The following NCOR2 variants were observed in gnomAD, a reference collection of about 807,000 sequenced individuals.
The protein encoded by NCOR2 is nuclear receptor corepressor 2, also known as CTG repeat protein 26.
Under a neutral mutation model 262.9 loss-of-function variants are expected in NCOR2, and 81 were observed. The ratio of observed to expected loss-of-function variants is 0.31; its 90% CI spans 0.26 to 0.37. The LOEUF (loss-of-function observed/expected upper bound fraction) is 0.37, where lower values mean the gene tolerates loss of function less well. NCOR2 is among the 10% of genes least tolerant of loss of function. NCOR2 has a pLI of 1.00. For missense variants in NCOR2, 3,385 were observed against 3,621.4 expected (o/e 0.93, Z 1.68); for synonymous variants, 1,659 against 1,559.3 (o/e 1.06, Z -1.51).
In NCOR2 at chr12:124,333,110, G is replaced by A. The variant is rs770563017; in HGVS notation, c.6755+20C>T. 1.9e-5 allele frequency: 30 copies of A among 1,584,942 alleles called. No individual in the cohort carries two copies. In the South Asian group the frequency reaches 2.1e-4, roughly 11 times the overall value. On this transcript the variant is annotated intron_variant, in intron 42 of 46. Transcript: ENST00000405201. ...GATACCAGAGCATCCCGGGGGCAGC[G>A]CATGTGCCCACAGAAGTACCTGGGC...
intron 3 of NCOR2, among the ~76,000 whole-genome samples, chr12:124,476,995 TA>T (rs968362351): frequency 1.4e-5 from 2 of 148,076 alleles, no homozygotes; most frequent in East Asian, 4.0e-4. Flanking sequence ...TGGACAGACA[TA>T]AAAGGCTGCA....
chr12:124,446,451 T>A (rs558485157), intron 7 of NCOR2, among the ~76,000 whole-genome samples: 5 of 152,284 alleles, frequency 3.3e-5, no homozygotes, highest in African/African-American at 1.2e-4. Flanking sequence ...TGACCTGGCC[T>A]GTGCCCTCCT....
At chr12:124,486,482 C>T in exon 2 of NCOR2, 1 of 1,611,906 alleles carries the variant, frequency 6.2e-7, no homozygotes, top group Non-Finnish European at 8.5e-7. Flanking sequence ...GGGAGGGCCT[C>T]CGCCGCTGGG....
chr12:124,476,619 C>A (rs2047111892), intron 3 of NCOR2, among the ~76,000 whole-genome samples: 1 of 152,212 alleles, frequency 6.6e-6, no homozygotes, highest in Non-Finnish European at 1.5e-5. Context: ...CAGCGGCTGG[C>A]AACCACTAGC....
chr12:124,394,212 T>A (rs569639024), intron 16 of NCOR2, among the ~76,000 whole-genome samples: 2 of 152,356 alleles, frequency 1.3e-5, no homozygotes, highest in East Asian at 3.9e-4. Flanking sequence ...ACTGTTCCTA[T>A]GTGGCTCGCT....
intron 1 of NCOR2, chr12:124,518,444 C>T (rs568087952): frequency 1.8e-4 from 27 of 152,464 alleles, no homozygotes; most frequent in Admixed American, 1.5e-3. Context: ...GCTCCCAGCC[C>T]GATGCCCCCC....
intron 1 of NCOR2, among the ~76,000 whole-genome samples, chr12:124,516,106 C>T (rs2049752921): frequency 6.6e-6 from 1 of 152,228 alleles, no homozygotes. Flanking sequence ...GGAGAGGCCC[C>T]ATGACAATGA....
intron 7 of NCOR2, among the ~76,000 whole-genome samples, chr12:124,441,028 A>G (rs2044771971): frequency 6.6e-6 from 1 of 152,180 alleles, no homozygotes; most frequent in Admixed American, 6.5e-5. Flanking sequence ...CCAGTCCTGC[A>G]GGGTCCTGTG....
In NCOR2 at chr12:124,356,778, G is replaced by A. The variant is rs753234688; in HGVS notation, c.3105C>T (p.Phe1035=). 25 of 1,471,640 alleles carry A rather than the reference G, an allele frequency of 1.7e-5. No individual in the cohort carries two copies. The East Asian group carries it at 2.0e-4, about 12-fold the overall frequency. 91.2% of individuals were successfully genotyped at this position (1,471,640 alleles called of 1,614,324 possible). ...CAGGCAGCTTCTGGGCCTCGGCTGC[G>A]AAGGCTGGGAAGAACACAGGCTTCT... Residue 1035 remains phenylalanine (F), a synonymous_variant, in exon 23 of 47, where the codon TTC becomes TTT. Coordinates refer to ENST00000405201, the Ensembl canonical transcript of NCOR2.
chr12:124,374,057 C>T lies in NCOR2; in HGVS notation c.2218+356G>A, dbSNP rs569863834. The stretch of plus-strand genomic sequence containing the variant: ...CATTCCTGGCTCTCTAGCCCCCAAA[C>T]CCACACCCGGCTCTTCTTTGAGTCT... On this transcript the variant is annotated intron_variant, in intron 19 of 46. Transcript: ENST00000405201. Among the ~76,000 whole-genome samples, 27 of 152,320 alleles carry T rather than the reference C, an allele frequency of 1.8e-4. No individual in the cohort carries two copies. The South Asian group carries it at 5.2e-3, about 29-fold the overall frequency.
chr12:124,397,251 G>T (rs2041736741), intron 16 of NCOR2, among the ~76,000 whole-genome samples: 1 of 152,228 alleles, frequency 6.6e-6, no homozygotes, highest in Non-Finnish European at 1.5e-5. Context: ...GGCCGAGGGA[G>T]GGAGGAGATT....
chr12:124,415,706 G>A (rs1336732566), intron 13 of NCOR2, among the ~76,000 whole-genome samples: 2 of 152,174 alleles, frequency 1.3e-5, no homozygotes, highest in Non-Finnish European at 2.9e-5. Context: ...CTTCAGCAGG[G>A]GATAAAAACT....
At chr12:124,395,627 C>T (rs532328675) in intron 16 of NCOR2, among the ~76,000 whole-genome samples, 11 of 152,304 alleles carry the variant, frequency 7.2e-5, no homozygotes, top group East Asian at 3.9e-4. Context: ...TCCCAGCCTC[C>T]GGATCTGCCC....
intron 16 of NCOR2, among the ~76,000 whole-genome samples, chr12:124,391,171 A>G (rs1212119510): frequency 6.6e-6 from 1 of 152,188 alleles, no homozygotes; most frequent in Admixed American, 6.5e-5. Context: ...CTGCATCCAC[A>G]GCTAGGACTC....
chr12:124,511,533 C>A (rs2049393400), intron 1 of NCOR2, among the ~76,000 whole-genome samples: 1 of 152,216 alleles, frequency 6.6e-6, no homozygotes, highest in Non-Finnish European at 1.5e-5. Flanking sequence ...GGGCCTGGGG[C>A]AAAGCCGGGG....
intron 1 of NCOR2, among the ~76,000 whole-genome samples, chr12:124,521,084 AG>A (rs2050158764): frequency 6.6e-6 from 1 of 152,206 alleles, no homozygotes; most frequent in African/African-American, 2.4e-5. Flanking sequence ...CCAGGTCAAC[AG>A]AAACTACATG....
chr12:124,411,833 G>A (rs1418090814), intron 13 of NCOR2, among the ~76,000 whole-genome samples: 1 of 152,198 alleles, frequency 6.6e-6, no homozygotes, highest in African/African-American at 2.4e-5. Context: ...CTCAAAAGCC[G>A]CTCACGGCCG....
chr12:124,497,952 C>T (rs1287404165), upstream of NCOR2, among the ~76,000 whole-genome samples: 2 of 152,168 alleles, frequency 1.3e-5, no homozygotes, highest in African/African-American at 4.8e-5. The surrounding 1 kb of genome is among the most constrained non-coding windows in gnomAD (Gnocchi z 4.2). Context: ...AGGACCCAGC[C>T]CTGTTCTAAA....
intron 1 of NCOR2, among the ~76,000 whole-genome samples, chr12:124,494,702 G>A (rs1241958584): frequency 6.6e-6 from 1 of 152,170 alleles, no homozygotes; most frequent in African/African-American, 2.4e-5. Flanking sequence ...GCCGCACCAA[G>A]GTGAATACAC....
Sources: allele counts gnomAD v4.1 joint callset (sites outside exome capture counted in the v4.1 genomes callset), GRCh38; gene constraint gnomAD v4.1.1; non-coding constraint Gnocchi (gnomAD v3.1); transcripts MANE v1.5; gene names NCBI Gene and HGNC (gene_info 2026-07-23, HGNC 2026-07-21).